KCTD20: variants seen among roughly 807,000 people sequenced by gnomAD.
KCTD20 encodes the protein BTB/POZ domain-containing protein KCTD20.
Under a neutral mutation model 39.6 loss-of-function variants are expected in KCTD20, and 30 were observed. The observed-to-expected ratio is 0.76, with a 90% CI of 0.57 to 1.03. KCTD20 has a LOEUF of 1.03. KCTD20 is among the 50% of genes least tolerant of loss of function. The pLI, the probability that KCTD20 is intolerant of heterozygous loss-of-function variation, is 0.00. For synonymous variants in KCTD20, 162 were observed against 180.6 expected (o/e 0.90, Z 0.83); for missense variants, 422 against 522.0 (o/e 0.81, Z 1.87).
intron 1 of KCTD20, among the ~76,000 whole-genome samples, chr6:36,460,801 T>A (rs1582323835): frequency 6.6e-6 from 1 of 152,126 alleles, no homozygotes; most frequent in East Asian, 1.9e-4. Context: ...AAAACATACA[T>A]AGAAATTTTG....
chr6:36,472,618 G>A (rs1448006082), intron 2 of KCTD20, among the ~76,000 whole-genome samples: 2 of 151,742 alleles, frequency 1.3e-5, no homozygotes, highest in Admixed American at 6.6e-5. Context: ...AGGTGATGGG[G>A]CGTATGTATT....
At position 36,452,862 on chromosome 6, in the gene KCTD20, TGAG is replaced by T. The variant is rs1775302015; in HGVS notation, c.-47+9752_-47+9754del. On this transcript the variant is annotated intron_variant, in intron 1 of 7. Transcript: ENST00000373731. ...TATTTTCTTTTTAAAACAACTTCAC[TGAG>T]AGAGAATTCACATAACATACAATTC... Among the ~76,000 whole-genome samples the T allele has an allele frequency of 2.0e-5, 3 of 151,798 alleles. No individual in the cohort carries two copies. The South Asian group carries it at 6.2e-4, about 31-fold the overall frequency.
intron 1 of KCTD20, among the ~76,000 whole-genome samples, chr6:36,452,835 C>T (rs1392742901): frequency 6.6e-6 from 1 of 151,650 alleles, no homozygotes; most frequent in Non-Finnish European, 1.5e-5. Context: ...CGCGCCCAGC[C>T]TTATTTTCTT....
intron 5 of KCTD20, 24 bp downstream of exon 5, chr6:36,479,735 C>A: frequency 6.4e-7 from 1 of 1,563,808 alleles, no homozygotes; most frequent in Non-Finnish European, 8.6e-7. Flanking sequence ...CAGGTGCCAG[C>A]TGCACTTAAG....
Position 36,489,198 on chromosome 6 carries a change from T to C in KCTD20, c.*2023T>C, listed in dbSNP as rs1776512030. 6.6e-6 allele frequency: 1 copy of C among 152,654 alleles called. No individual in the cohort carries two copies. The highest frequency in any genetic ancestry group is 1.5e-5 in the Non-Finnish European group (1 of 68,042). 9.5% of individuals were successfully genotyped at this position (152,654 alleles called of 1,614,324 possible). On this transcript the variant is annotated 3_prime_UTR_variant, in exon 8 of 8. Transcript: ENST00000373731. Reference sequence around the variant, plus strand: ...ATATTCCATGATAACTATGTATAACTTCTGTTACACAGCTTATGTATTGTT... The same window carrying C: ...ATATTCCATGATAACTATGTATAACCTCTGTTACACAGCTTATGTATTGTT...
chr6:36,472,805 A>G (rs1461637365), intron 2 of KCTD20, among the ~76,000 whole-genome samples: 1 of 152,154 alleles, frequency 6.6e-6, no homozygotes, highest in Non-Finnish European at 1.5e-5. Flanking sequence ...AATCCTTTGT[A>G]AATACTTACT....
In KCTD20 at chr6:36,473,589, G is replaced by A. The variant is rs183049343; in HGVS notation, c.161-1200G>A. Among the ~76,000 whole-genome samples, 1,188 of 151,912 alleles carry A rather than the reference G, an allele frequency of 7.8e-3. 8 individuals are homozygous for A. The highest frequency in any genetic ancestry group is 0.013 in the Non-Finnish European group (856 of 67,938). On this transcript the variant is annotated intron_variant, in intron 2 of 7. Transcript: ENST00000373731. Reference sequence around the variant, plus strand: ...AGATAGAGACCATCCTAGCTAACACGATGAAACCTTGTCTCTACTAAAAAA... The same window carrying A: ...AGATAGAGACCATCCTAGCTAACACAATGAAACCTTGTCTCTACTAAAAAA...
intron 1 of KCTD20, among the ~76,000 whole-genome samples, chr6:36,456,469 G>T (rs927748279): frequency 1.9e-4 from 29 of 151,936 alleles, no homozygotes; most frequent in African/African-American, 6.8e-4. Context: ...AGTAGAGACA[G>T]GGTTTCACCA....
chr6:36,474,790 C>CCT lies in KCTD20; in HGVS notation c.166_167dup (p.Leu57HisfsTer16). The CCT allele has an allele frequency of 1.3e-6, 2 of 1,599,258 alleles. No individual in the cohort carries two copies. The highest frequency in any genetic ancestry group is 1.7e-6 in the Non-Finnish European group (2 of 1,171,310). The stretch of plus-strand genomic sequence containing the variant: ...TGGTTTCTTTGTATGTTCTTTTAGA[C>CCT]CTCTCACTTGACTATGCCTCTCAGC... On this transcript the variant is annotated frameshift_variant and splice_region_variant, in exon 3 of 8. Coordinates refer to ENST00000373731, the MANE Select transcript of KCTD20 (RefSeq NM_173562.5). LOFTEE classifies it high-confidence loss of function.
intron 2 of KCTD20, among the ~76,000 whole-genome samples, chr6:36,471,645 G>C (rs1047287126): frequency 3.3e-5 from 5 of 152,130 alleles, no homozygotes; most frequent in African/African-American, 1.2e-4. Flanking sequence ...TGTATTAACT[G>C]ACAGAAAAGC....
chr6:36,445,523 G>T (rs1049180800), intron 1 of KCTD20, among the ~76,000 whole-genome samples: 2 of 152,050 alleles, frequency 1.3e-5, no homozygotes, highest in African/African-American at 4.8e-5. Flanking sequence ...TCTTCCTCTG[G>T]CCTTCAATCT....
intron 2 of KCTD20, among the ~76,000 whole-genome samples, chr6:36,474,006 GTAATA>G (rs1359161536): frequency 6.6e-6 from 1 of 152,184 alleles, no homozygotes; most frequent in Non-Finnish European, 1.5e-5. Context: ...TCTAGGAAAA[GTAATA>G]TATTGGAAAA....
Position 36,469,295 on chromosome 6 carries a change from G to A in KCTD20, c.-46-757G>A, listed in dbSNP as rs1267616436. 6.6e-6 allele frequency among the ~76,000 whole-genome samples: 1 copy of A among 152,192 alleles called. No individual in the cohort carries two copies. The highest frequency in any genetic ancestry group is 1.5e-5 in the Non-Finnish European group (1 of 68,026). ...ATCGAGGATGGAAGGGTTGCAGGGC[G>A]TGATTAACCAGCAGAAAGTTATGAG... On this transcript the variant is annotated intron_variant, in intron 1 of 7. Transcript: ENST00000373731. This position sits in a 1 kb window ranked among gnomAD's most constrained non-coding sequence, Gnocchi z 4.6.
intron 1 of KCTD20, among the ~76,000 whole-genome samples, chr6:36,450,384 A>G (rs1035264090): frequency 6.6e-6 from 1 of 151,084 alleles, no homozygotes; most frequent in African/African-American, 2.4e-5. Flanking sequence ...ACTACTCGGG[A>G]GGCTGAGGTA....
At chr6:36,467,891 T>C (rs1469810416) in intron 1 of KCTD20, among the ~76,000 whole-genome samples, 2 of 152,150 alleles carry the variant, frequency 1.3e-5, no homozygotes, top group African/African-American at 4.8e-5. Context: ...TAGAAAAACA[T>C]TACAGAATGA....
At position 36,479,452 on chromosome 6, in the gene KCTD20, T is replaced by C. The variant is rs1367254316; in HGVS notation, c.538-139T>C. The C allele has an allele frequency of 3.7e-6, 3 of 805,712 alleles. No individual in the cohort carries two copies. In the South Asian group the frequency reaches 5.3e-5, roughly 14 times the overall value. The allele number at this position is 805,712 out of a possible 1,614,324, so 49.9% of individuals were successfully genotyped here. On this transcript the variant is annotated intron_variant, in intron 4 of 7. Coordinates refer to ENST00000373731, the MANE Select transcript of KCTD20 (RefSeq NM_173562.5). ...CAAGTCAAGATAGCCAGGAGCTGTT[T>C]TGCCATCTAATGAATCATCCAATTT...
At chr6:36,474,033 CATT>C (rs1471537023) in intron 2 of KCTD20, among the ~76,000 whole-genome samples, 3 of 152,112 alleles carry the variant, frequency 2.0e-5, no homozygotes, top group Non-Finnish European at 2.9e-5. Flanking sequence ...TAAAGACTAT[CATT>C]ATCCCTTCTG....
chr6:36,468,483 C>G (rs1277050607), intron 1 of KCTD20, among the ~76,000 whole-genome samples: 3 of 152,130 alleles, frequency 2.0e-5, no homozygotes, highest in Non-Finnish European at 4.4e-5. Flanking sequence ...GCTGGAGGAG[C>G]TGTAAATAGA....
chr6:36,481,635 G>T lies in KCTD20; in HGVS notation c.732G>T (p.Leu244Phe). ...ATCACTACCTCGAAGAGCTCATCTT[G>T]CCCATCATGGTGGGCTGTGCCAAGA... ...QFDHYLEELI[L>F]PIMVGCAKKG... The change falls in exon 6 of 8, where the codon TTG becomes TTT. Residue 244 changes from leucine (L) to phenylalanine (F), a missense_variant. Transcript: ENST00000373731. 6.2e-7 allele frequency: 1 copy of T among 1,614,198 alleles called. No homozygotes were observed. The highest frequency in any genetic ancestry group is 8.5e-7 in the Non-Finnish European group (1 of 1,180,036).
Sources: allele counts gnomAD v4.1 joint callset (sites outside exome capture counted in the v4.1 genomes callset), GRCh38; gene constraint gnomAD v4.1.1; non-coding constraint Gnocchi (gnomAD v3.1); transcripts MANE v1.5; gene names NCBI Gene and HGNC (gene_info 2026-07-23, HGNC 2026-07-21).